Variants in MBOAT2 observed in about 807,000 individuals in gnomAD.
The protein encoded by MBOAT2 is membrane bound glycerophospholipid O-acyltransferase 2.
MBOAT2 carries 28 observed loss-of-function variants against 63.4 expected under a neutral mutation model. That is an observed-to-expected ratio of 0.44 (90% CI 0.33 to 0.61). The LOEUF is 0.61. Among genes scored for constraint, MBOAT2 ranks in the 20% least tolerant of loss-of-function variants. The pLI, the probability that MBOAT2 is intolerant of heterozygous loss-of-function variation, is 0.03. For synonymous variants in MBOAT2, 211 were observed against 215.6 expected (o/e 0.98, Z 0.19); for missense variants, 470 against 605.8 (o/e 0.78, Z 2.35).
chr2:8,994,798 G>C (rs1361333086), intron 1 of MBOAT2, among the ~76,000 whole-genome samples: 1 of 152,214 alleles, frequency 6.6e-6, no homozygotes, highest in African/African-American at 2.4e-5. Flanking sequence ...AGGAGGCATA[G>C]GCTTTAGCTG....
intron 1 of MBOAT2, among the ~76,000 whole-genome samples, chr2:8,960,322 A>T (rs956150460): frequency 1.3e-5 from 2 of 152,252 alleles, no homozygotes; most frequent in Middle Eastern, 3.2e-3. Flanking sequence ...CTGAGCATCT[A>T]CTATGGGCAA....
intron 3 of MBOAT2, among the ~76,000 whole-genome samples, chr2:8,936,786 CAAAA>C (rs745694357): frequency 7.1e-5 from 4 of 56,380 alleles, no homozygotes; most frequent in African/African-American, 2.7e-4. Flanking sequence ...GACTCCGTCT[CAAAA>C]AAAAAAAAAA....
At chr2:8,885,710 G>C (rs1474581441) in intron 5 of MBOAT2, among the ~76,000 whole-genome samples, 1 of 152,148 alleles carries the variant, frequency 6.6e-6, no homozygotes, top group Non-Finnish European at 1.5e-5. Flanking sequence ...AGGCAAGCAG[G>C]CTCTATTATA....
At chr2:8,894,449 T>C (rs902289108) in intron 4 of MBOAT2, among the ~76,000 whole-genome samples, 5 of 152,338 alleles carry the variant, frequency 3.3e-5, no homozygotes, top group East Asian at 1.9e-4. Flanking sequence ...TTGCAGGCAG[T>C]TGAATGATTC....
chr2:8,930,468 C>G (rs1452328586), intron 3 of MBOAT2, among the ~76,000 whole-genome samples: 2 of 152,058 alleles, frequency 1.3e-5, no homozygotes, highest in Non-Finnish European at 2.9e-5. Flanking sequence ...TTTTCTTAAT[C>G]CAGTCTATCA....
chr2:9,000,320 T>G (rs73157459), intron 1 of MBOAT2, among the ~76,000 whole-genome samples: 3,976 of 152,320 alleles, frequency 0.026, 143 homozygotes, highest in African/African-American at 0.083. Context: ...CAACTTGGAA[T>G]AAATGATTTA....
chr2:8,913,920 C>A (rs1665965200), intron 3 of MBOAT2, among the ~76,000 whole-genome samples: 1 of 152,202 alleles, frequency 6.6e-6, no homozygotes, highest in Non-Finnish European at 1.5e-5. Context: ...GTGGAACCAA[C>A]CCAAATGCCC....
At chr2:8,996,524 G>A (rs1174995256) in intron 1 of MBOAT2, among the ~76,000 whole-genome samples, 2 of 152,172 alleles carry the variant, frequency 1.3e-5, no homozygotes, top group African/African-American at 4.8e-5. Flanking sequence ...GAGAGGATGG[G>A]AGAAGCGAGA....
Position 8,990,804 on chromosome 2 carries a change from C to A in MBOAT2, c.75+12736G>T, listed in dbSNP as rs553900160. The stretch of plus-strand genomic sequence containing the variant: ...CCAAGTTTACCAAAATTTTCCTTTA[C>A]TATGTGGCTTTAAAAGTATTTTCCA... On this transcript the variant is annotated intron_variant, in intron 1 of 12. Transcript: ENST00000305997. 2.0e-5 allele frequency among the ~76,000 whole-genome samples: 3 copies of A among 152,172 alleles called. No homozygotes were observed. The East Asian group carries it at 5.8e-4, about 29-fold the overall frequency.
intron 3 of MBOAT2, among the ~76,000 whole-genome samples, chr2:8,929,968 C>T (rs1195824186): frequency 1.3e-5 from 2 of 152,128 alleles, no homozygotes; most frequent in South Asian, 2.1e-4. Flanking sequence ...TTGTTGTAAG[C>T]TTCCCTGTGT....
chr2:8,963,261 G>A (rs1327314233), intron 1 of MBOAT2, among the ~76,000 whole-genome samples: 1 of 151,604 alleles, frequency 6.6e-6, no homozygotes, highest in Non-Finnish European at 1.5e-5. Flanking sequence ...TGAGGCGGGG[G>A]GGCAGGGGGA....
rs1661035727 is a variant in MBOAT2 at position 8,855,691 on chromosome 2, T to C, written c.*2988A>G. The C allele has an allele frequency of 1.3e-5, 2 of 152,220 alleles. No individual in the cohort carries two copies. The highest frequency in any genetic ancestry group is 4.1e-4 in the South Asian group (2 of 4,836). 9.4% of individuals were successfully genotyped at this position (152,220 alleles called of 1,614,324 possible). ...TACTTTAAGAACAGAATGAGCCACT[T>C]ATAAAATGGTGACAGCTGAGGCATA... On this transcript the variant is annotated 3_prime_UTR_variant, in exon 13 of 13. Coordinates refer to ENST00000305997, the MANE Select transcript of MBOAT2 (RefSeq NM_138799.4).
chr2:8,882,472 C>G (rs576931876), intron 6 of MBOAT2, 39 bp downstream of exon 6: 1 of 1,606,854 alleles, frequency 6.2e-7, no homozygotes, highest in Admixed American at 1.7e-5. Flanking sequence ...TAGGCAGGGG[C>G]GCAGGAAGCA....
intron 9 of MBOAT2, 43 bp from the exon 10 acceptor site, chr2:8,864,277 G>A: frequency 8.1e-7 from 1 of 1,230,402 alleles, no homozygotes. Flanking sequence ...ACAAAATAAT[G>A]AAGCTTTAAA....
chr2:8,938,530 G>A (rs1667821194), intron 3 of MBOAT2, among the ~76,000 whole-genome samples: 1 of 150,328 alleles, frequency 6.7e-6, no homozygotes, highest in African/African-American at 2.5e-5. Context: ...CACGTTTCAT[G>A]CCGCCACGTT....
chr2:8,931,984 G>T (rs953635603), intron 3 of MBOAT2, among the ~76,000 whole-genome samples: 1 of 152,046 alleles, frequency 6.6e-6, no homozygotes, highest in Non-Finnish European at 1.5e-5. Flanking sequence ...TTCAATTTTC[G>T]CCATGAGGAA....
At chr2:8,894,125 G>A (rs1256903400) in intron 4 of MBOAT2, among the ~76,000 whole-genome samples, 2 of 151,962 alleles carry the variant, frequency 1.3e-5, no homozygotes, top group African/African-American at 4.8e-5. Flanking sequence ...GACAGAACCC[G>A]ATACGTGATA....
chr2:8,985,557 T>C (rs1671508795), intron 1 of MBOAT2, among the ~76,000 whole-genome samples: 1 of 152,140 alleles, frequency 6.6e-6, no homozygotes, highest in South Asian at 2.1e-4. Flanking sequence ...GCCACTTCTT[T>C]TCCAGTCCTC....
rs762996415 is a variant in MBOAT2 at position 8,873,180 on chromosome 2, G to T, written c.811C>A (p.Pro271Thr). The T allele has an allele frequency of 2.4e-5, 39 of 1,613,996 alleles. No individual in the cohort carries two copies. In the South Asian group the frequency reaches 4.1e-4, roughly 17 times the overall value. The change falls in exon 8 of 13, where the codon CCA (proline) becomes ACA (threonine). Residue 271 changes from proline to threonine, a missense_variant. Pro to Thr is a conservative substitution (Grantham distance 38). This residue lies in a region of MBOAT2 where 376 missense variants were observed against 503.8 expected (regional missense o/e 0.75). Transcript: ENST00000305997. ...ATATACAGATAGATAATCTTTGTTG[G>T]CCACGAAGCTGTAGCTTGAAAATGC... ...DEHFQATASW[P>T]TKIIYLYISL...
Sources: allele counts gnomAD v4.1 joint callset (sites outside exome capture counted in the v4.1 genomes callset), GRCh38; gene constraint gnomAD v4.1.1; regional missense constraint gnomAD v4.1.1; transcripts MANE v1.5; gene names NCBI Gene and HGNC (gene_info 2026-07-23, HGNC 2026-07-21).